CDON: variants seen among roughly 807,000 people sequenced by gnomAD.
CDON encodes the protein cell adhesion molecule-related/down-regulated by oncogenes.
A neutral mutation model predicts 120.9 loss-of-function variants in CDON; 73 were observed. The observed-to-expected ratio is 0.60, with a 90% CI of 0.50 to 0.73. CDON has a LOEUF of 0.73. Ranked by LOEUF, CDON falls within the 30% of genes least tolerant of loss-of-function variation. The pLI, the probability that CDON is intolerant of heterozygous loss-of-function variation, is 0.00. For synonymous variants in CDON, 566 were observed against 573.5 expected (o/e 0.99, Z 0.19); for missense variants, 1,470 against 1,587.3 (o/e 0.93, Z 1.26).
In CDON at chr11:125,957,530, TAC is replaced by T. The variant is rs1160439413; in HGVS notation, c.*3410_*3411del. 6.6e-6 allele frequency: 1 copy of T among 152,222 alleles called. No homozygotes were observed. The highest frequency in any genetic ancestry group is 1.5e-5 in the Non-Finnish European group (1 of 68,032). 9.4% of individuals were successfully genotyped at this position (152,222 alleles called of 1,614,324 possible). A position where few individuals can be genotyped will look rare whatever the true frequency, so the allele number is the denominator to read the frequency against. ...CCAAAGCTACATCATTTAAAATATG[TAC>T]AGTTTCACACACAATATTACAACTT... On this transcript the variant is annotated 3_prime_UTR_variant, in exon 20 of 20. Coordinates refer to ENST00000531738, the MANE Select transcript of CDON (RefSeq NM_001378964.1).
At chr11:125,980,244 A>C (rs592036) in intron 17 of CDON, among the ~76,000 whole-genome samples, 52,281 of 152,068 alleles carry the variant, frequency 0.34, 9,705 homozygotes, top group African/African-American at 0.48. Flanking sequence ...TCATTCTACT[A>C]CCATTTCAAA....
chr11:125,956,826 T>C lies in CDON; in HGVS notation c.*4116A>G, dbSNP rs552747570. On this transcript the variant is annotated 3_prime_UTR_variant, in exon 20 of 20. Transcript: ENST00000531738. ...TGAGAAGCTTAAGAAGATTCTGTGG[T>C]TCTCACAGAGTTAGACTTTATTAGA... The C allele has an allele frequency of 4.0e-6, 4 of 988,226 alleles. No individual in the cohort carries two copies. In the East Asian group the frequency reaches 4.5e-4, roughly 112 times the overall value. 61.2% of individuals were successfully genotyped at this position (988,226 alleles called of 1,614,324 possible).
chr11:125,960,872 G>T lies in CDON; in HGVS notation c.*70C>A. The T allele has an allele frequency of 1.4e-6, 2 of 1,409,224 alleles. No homozygotes were observed. Among genetic ancestry groups the T allele is most frequent in the African/African-American group, 1.4e-5 (1 of 70,840 alleles). The allele number at this position is 1,409,224 out of a possible 1,614,324, so 87.3% of individuals were successfully genotyped here. On this transcript the variant is annotated 3_prime_UTR_variant, in exon 20 of 20. Coordinates refer to ENST00000531738, the MANE Select transcript of CDON (RefSeq NM_001378964.1). ...GATTTGAATTAAGGTCCTTCACACA[G>T]TTCGCTCCCAGGCCTGTTGTGTGCA... is the stretch of plus-strand genomic sequence containing the variant.
chr11:126,008,965 G>C (rs971751622), intron 8 of CDON, among the ~76,000 whole-genome samples: 1 of 152,182 alleles, frequency 6.6e-6, no homozygotes. Context: ...TCTATTGCCA[G>C]ACACCATTCT....
At chr11:125,997,506 A>T in intron 11 of CDON, 96 bp from the exon 12 acceptor site, 1 of 993,728 alleles carries the variant, frequency 1.0e-6, no homozygotes, top group East Asian at 2.6e-5. Flanking sequence ...TCATGTTATT[A>T]AAGGTTCTTC....
intron 18 of CDON, among the ~76,000 whole-genome samples, chr11:125,969,559 T>C (rs1373169993): frequency 2.0e-5 from 3 of 152,238 alleles, no homozygotes; most frequent in African/African-American, 4.8e-5. Context: ...CAGTTATTAC[T>C]GGCTTAAGGT....
chr11:126,023,568 C>T (rs1947699576), intron 1 of CDON, 31 bp from the exon 2 acceptor site: 1 of 950,302 alleles, frequency 1.1e-6, no homozygotes, highest in Non-Finnish European at 1.7e-6. Context: ...AAAATCTAAA[C>T]CATTGAAATC....
At chr11:125,968,901 T>G (rs1234773901) in intron 18 of CDON, among the ~76,000 whole-genome samples, 1 of 152,212 alleles carries the variant, frequency 6.6e-6, no homozygotes, top group Non-Finnish European at 1.5e-5. Context: ...GGCTTTAACT[T>G]AGGGGTTACA....
chr11:126,027,373 T>G (rs918588404), intron 1 of CDON, among the ~76,000 whole-genome samples: 1 of 152,198 alleles, frequency 6.6e-6, no homozygotes, highest in African/African-American at 2.4e-5. Context: ...TTAGTACTAC[T>G]GGAAAATCTT....
At chr11:125,984,638 A>T (rs1269950952) in intron 15 of CDON, among the ~76,000 whole-genome samples, 1 of 151,482 alleles carries the variant, frequency 6.6e-6, no homozygotes, top group Non-Finnish European at 1.5e-5. Context: ...AGGAGGTTGC[A>T]GTGAGCCCAG....
At chr11:125,966,215 TAGTG>T (rs1183005835) in intron 18 of CDON, among the ~76,000 whole-genome samples, 2 of 150,926 alleles carry the variant, frequency 1.3e-5, no homozygotes, top group Admixed American at 1.3e-4. Context: ...GTGATGCAGA[TAGTG>T]AGTGAGCAAA....
rs902303132 is a variant in CDON at position 126,010,567 on chromosome 11, A to G, written c.1326T>C (p.His442=). The change falls in exon 8 of 20, where the codon CAT becomes CAC. Residue 442 remains histidine (H), a synonymous_variant. Coordinates refer to ENST00000531738, the MANE Select transcript of CDON (RefSeq NM_001378964.1). The part of the protein sequence containing the change: ...PVPVIRWYDS[H]GLITSHPSQV... ...GAGATGGATGGCTGGTTATCAATCC[A>G]TGGCTGTCATACCAACGAATGACCG... 17 of 1,614,024 alleles carry G rather than the reference A, an allele frequency of 1.1e-5. No individual in the cohort carries two copies. In the Admixed American group the frequency reaches 1.2e-4, roughly 11 times the overall value.
chr11:125,976,618 AACACACACACAC>A (rs60615493), intron 18 of CDON, among the ~76,000 whole-genome samples: 1 of 151,046 alleles, frequency 6.6e-6, no homozygotes, highest in African/African-American at 2.4e-5. Flanking sequence ...CACACACACA[AACACACACACAC>A]ACACACACTA....
chr11:126,045,064 C>T (rs1398358691), intron 1 of CDON, among the ~76,000 whole-genome samples: 7 of 152,228 alleles, frequency 4.6e-5, no homozygotes, highest in Non-Finnish European at 7.4e-5. Context: ...CTTGCTCCGT[C>T]GCCCAGGCTG....
At chr11:126,012,311 C>G in intron 7 of CDON, among the ~76,000 whole-genome samples, 1 of 152,222 alleles carries the variant, frequency 6.6e-6, no homozygotes, top group South Asian at 2.1e-4. Context: ...ATATCTCTTC[C>G]TATATAACTG....
At chr11:126,059,291 G>GT (rs1948743066) in intron 1 of CDON, among the ~76,000 whole-genome samples, 1 of 152,208 alleles carries the variant, frequency 6.6e-6, no homozygotes. Context: ...GCCACTTTCT[G>GT]TACTTACACT....
Position 126,021,289 on chromosome 11 carries a change from A to G in CDON, c.308T>C (p.Ile103Thr). The change falls in exon 3 of 20, where the codon ATC becomes ACC. Residue 103 changes from isoleucine to threonine, a missense_variant. By Grantham distance (89) the Ile-to-Thr change is moderately conservative (BLOSUM62 -1). Transcript: ENST00000531738. ...GYYQCLANNS[I>T]GAIVSGPATV... Reference sequence around the variant, plus strand: ...CGCAGGGCCACTCACAATGGCACCGATGCTATTGTTGGCAAGGCACTGGTA... The same window carrying G: ...CGCAGGGCCACTCACAATGGCACCGGTGCTATTGTTGGCAAGGCACTGGTA... 6.2e-7 allele frequency: 1 copy of G among 1,614,156 alleles called. No individual in the cohort carries two copies. Among genetic ancestry groups the G allele is most frequent in the Non-Finnish European group, 8.5e-7 (1 of 1,179,982 alleles).
chr11:126,056,251 A>G (rs1000082517), intron 1 of CDON, among the ~76,000 whole-genome samples: 5 of 152,188 alleles, frequency 3.3e-5, no homozygotes, highest in African/African-American at 1.2e-4. Context: ...TTCTTCTGAA[A>G]CATAATCTGC....
intron 9 of CDON, chr11:126,005,445 C>T (rs548456264): frequency 5.5e-6 from 2 of 362,948 alleles, no homozygotes; most frequent in East Asian, 1.1e-4. Context: ...ATTCTACTAC[C>T]TTAGAGAGGG....
Sources: allele counts gnomAD v4.1 joint callset (sites outside exome capture counted in the v4.1 genomes callset), GRCh38; gene constraint gnomAD v4.1.1; transcripts MANE v1.5; gene names NCBI Gene and HGNC (gene_info 2026-07-23, HGNC 2026-07-21).